Variants in SCMH1 observed in about 807,000 individuals in gnomAD.
SCMH1 encodes polycomb protein SCMH1.
SCMH1 carries 37 observed loss-of-function variants against 70.8 expected under a neutral mutation model. The ratio of observed to expected loss-of-function variants is 0.52; its 90% CI spans 0.40 to 0.69. The LOEUF (loss-of-function observed/expected upper bound fraction) is 0.69, where lower values mean the gene tolerates loss of function less well. Ranked by LOEUF, SCMH1 falls within the 30% of genes least tolerant of loss-of-function variation. The probability of loss-of-function intolerance (pLI) is 0.00; values close to 1 mark genes in which losing one functional copy is unlikely to be tolerated. For missense variants in SCMH1, 607 were observed against 827.3 expected, an observed-to-expected ratio of 0.73 and a Z score of 3.27; for synonymous variants, 292 against 307.4, an observed-to-expected ratio of 0.95 and a Z score of 0.52.
rs117775814 is a variant in SCMH1, at chr1:41,184,646, A to C, written c.13+1475T>G. On this transcript the variant is annotated intron_variant, in intron 2 of 14. Coordinates refer to ENST00000337495, the Ensembl canonical transcript of SCMH1. ...TTCGACAAAGCATTCACTACAGGGA[A>C]GCAGATGTCAGAGAGAGACTTTCTG... Among the ~76,000 whole-genome samples the C allele has an allele frequency of 1.6e-3, 246 of 152,246 alleles. 4 individuals carry two copies. In the East Asian group the frequency reaches 0.044, roughly 27 times the overall value.
intron 4 of SCMH1, among the ~76,000 whole-genome samples, chr1:41,158,160 A>G (rs1032230774): frequency 1.2e-4 from 18 of 152,194 alleles, no homozygotes; most frequent in African/African-American, 3.9e-4. Context: ...TAGCATGAGT[A>G]AAAAAGTGAA....
chr1:41,186,122 A>G, exon 2 of SCMH1: 1 of 1,543,376 alleles, frequency 6.5e-7, no homozygotes, highest in African/African-American at 1.4e-5. Context: ...GATACTTACC[A>G]TTAGGCTGCA....
At chr1:41,191,729 C>T (rs1256504509) in intron 1 of SCMH1, among the ~76,000 whole-genome samples, 2 of 152,110 alleles carry the variant, frequency 1.3e-5, no homozygotes, top group African/African-American at 4.8e-5. Context: ...CTTTAACATG[C>T]ATACAATATA....
intron 10 of SCMH1, among the ~76,000 whole-genome samples, chr1:41,050,181 CAG>C (rs1647562478): frequency 6.6e-6 from 1 of 152,198 alleles, no homozygotes; most frequent in Non-Finnish European, 1.5e-5. Context: ...GCAGTCCTAA[CAG>C]AGTTGTCTCT....
chr1:41,104,863 T>A (rs1400098787), intron 8 of SCMH1, among the ~76,000 whole-genome samples: 2 of 151,948 alleles, frequency 1.3e-5, no homozygotes, highest in Non-Finnish European at 2.9e-5. Flanking sequence ...GAGAGGTGAG[T>A]GAATATGGGC....
At position 41,051,292 on chromosome 1, in the gene SCMH1, A is replaced by T. The variant is rs146888745; in HGVS notation, c.1106-2402T>A. Among the ~76,000 whole-genome samples the T allele has an allele frequency of 8.9e-4, 135 of 152,364 alleles. 1 individual carries two copies. Among genetic ancestry groups the T allele is most frequent in the African/African-American group, 3.1e-3 (129 of 41,596 alleles). ...TACTACACTGCCAGGCATATAAAAT[A>T]ATATAGCATATAGGATTACGTAGAG... On this transcript the variant is annotated intron_variant, in intron 10 of 14. Coordinates refer to ENST00000337495, the Ensembl canonical transcript of SCMH1.
chr1:41,112,291 T>C (rs534361873), intron 8 of SCMH1, among the ~76,000 whole-genome samples: 175 of 152,316 alleles, frequency 1.1e-3, no homozygotes, highest in African/African-American at 4.0e-3. Context: ...ATTGAATGAA[T>C]GAATTCAACA....
intron 6 of SCMH1, among the ~76,000 whole-genome samples, chr1:41,126,572 A>G (rs1169381474): frequency 6.6e-6 from 1 of 152,190 alleles, no homozygotes. Context: ...TAAATTTAAA[A>G]TGCATACTTT....
intron 10 of SCMH1, among the ~76,000 whole-genome samples, chr1:41,058,118 C>CAAAA (rs201623540): frequency 1.8e-5 from 1 of 54,864 alleles, no homozygotes; most frequent in Non-Finnish European, 3.9e-5. Flanking sequence ...GAGATTGTCT[C>CAAAA]AAAAAAAAAA....
intron 8 of SCMH1, among the ~76,000 whole-genome samples, chr1:41,079,034 AGTT>A (rs969049917): frequency 2.0e-5 from 3 of 152,340 alleles, no homozygotes; most frequent in African/African-American, 7.2e-5. Context: ...ATTTGGGAGT[AGTT>A]AGAGCACTTA....
chr1:41,146,285 A>T (rs558055838), intron 5 of SCMH1, among the ~76,000 whole-genome samples: 1 of 152,152 alleles, frequency 6.6e-6, no homozygotes, highest in Admixed American at 6.5e-5. Context: ...AAGTATTATT[A>T]TAAGAGTCAA....
In SCMH1 at chr1:41,113,708, A is replaced by G. The variant is rs1669776937; in HGVS notation, c.502-182T>C. On this transcript the variant is annotated intron_variant, in intron 7 of 14. Coordinates refer to ENST00000337495, the Ensembl canonical transcript of SCMH1. This position sits in a 1 kb window ranked among gnomAD's most constrained non-coding sequence, Gnocchi z 4.3. Reference sequence around the variant, plus strand: ...CAATATTTAAAGTATTACTTTATTAATCCTAACATTTTGACAACTTTGCTT... The same window carrying G: ...CAATATTTAAAGTATTACTTTATTAGTCCTAACATTTTGACAACTTTGCTT... Among the ~76,000 whole-genome samples, 1 of 152,182 alleles carries G rather than the reference A, an allele frequency of 6.6e-6. No individual in the cohort carries two copies. Among genetic ancestry groups the G allele is most frequent in the South Asian group, 2.1e-4 (1 of 4,830 alleles).
At chr1:41,180,660 A>T (rs1029547693) in intron 2 of SCMH1, among the ~76,000 whole-genome samples, 3 of 152,230 alleles carry the variant, frequency 2.0e-5, no homozygotes, top group African/African-American at 7.2e-5. Context: ...GGAGCTCTTT[A>T]AGGAGAACTA....
intron 8 of SCMH1, among the ~76,000 whole-genome samples, chr1:41,084,164 G>A (rs1660875998): frequency 6.6e-6 from 1 of 152,202 alleles, no homozygotes; most frequent in Non-Finnish European, 1.5e-5. Context: ...CACAGCAAAA[G>A]AGACTACCAT....
intron 4 of SCMH1, among the ~76,000 whole-genome samples, chr1:41,158,998 A>C (rs1645799668): frequency 6.6e-6 from 1 of 152,188 alleles, no homozygotes; most frequent in Non-Finnish European, 1.5e-5. Context: ...TTACGTGAGG[A>C]GGTTCTAAGT....
chr1:41,220,855 T>C (rs1341921603), intron 1 of SCMH1, among the ~76,000 whole-genome samples: 1 of 152,248 alleles, frequency 6.6e-6, no homozygotes, highest in African/African-American at 2.4e-5. Flanking sequence ...CAATGCCATC[T>C]TGACACAGGT....
At chr1:41,092,183 C>A (rs1451655302) in intron 8 of SCMH1, among the ~76,000 whole-genome samples, 1 of 152,094 alleles carries the variant, frequency 6.6e-6, no homozygotes, top group Non-Finnish European at 1.5e-5. Flanking sequence ...AGGTATAGAC[C>A]AATGGAACAG....
At chr1:41,087,469 G>A (rs1662055831) in intron 8 of SCMH1, among the ~76,000 whole-genome samples, 1 of 150,400 alleles carries the variant, frequency 6.6e-6, no homozygotes, top group East Asian at 1.9e-4. Flanking sequence ...GAGGAAAAAA[G>A]ACCTATAATC....
intron 2 of SCMH1, among the ~76,000 whole-genome samples, chr1:41,173,310 C>T (rs1039852184): frequency 1.3e-5 from 2 of 151,900 alleles, no homozygotes; most frequent in Non-Finnish European, 2.9e-5. Flanking sequence ...ACAAAATGAG[C>T]TGAATAAGTA....
Sources: allele counts gnomAD v4.1 joint callset (sites outside exome capture counted in the v4.1 genomes callset), GRCh38; gene constraint gnomAD v4.1.1; non-coding constraint Gnocchi (gnomAD v3.1); transcripts MANE v1.5; gene names NCBI Gene and HGNC (gene_info 2026-07-23, HGNC 2026-07-21).